The following PPP1R14A variants were observed in gnomAD, a reference collection of about 807,000 sequenced individuals.
PPP1R14A encodes protein phosphatase 1 regulatory inhibitor subunit 14A.
Under a neutral mutation model 14.1 loss-of-function variants are expected in PPP1R14A, and 9 were observed. The ratio of observed to expected loss-of-function variants is 0.64; its 90% CI spans 0.38 to 1.11. The LOEUF (loss-of-function observed/expected upper bound fraction) is 1.11. PPP1R14A is among the 50% of genes most tolerant of loss of function. The pLI is 0.01. For synonymous variants in PPP1R14A, 93 were observed against 88.7 expected (o/e 1.05, Z -0.27); for missense variants, 208 against 200.7 (o/e 1.04, Z -0.22).
At chr19:38,253,004 AT>A in intron 1 of PPP1R14A, 30 bp from the exon 2 acceptor site, 2 of 1,540,606 alleles carry the variant, frequency 1.3e-6, no homozygotes, top group East Asian at 2.3e-5. Flanking sequence ...GGTGCTTAGG[AT>A]CCCCTTCCCT....
At chr19:38,255,155 G>A (rs530053213) in intron 1 of PPP1R14A, among the ~76,000 whole-genome samples, 1 of 151,834 alleles carries the variant, frequency 6.6e-6, no homozygotes, top group East Asian at 1.9e-4. Context: ...ACACGGTCTC[G>A]CTCTGTTGCC....
rs1178842672 is a variant in PPP1R14A at position 38,252,124 on chromosome 19, G to C, written c.315+182C>G. 7 of 618,380 alleles carry C rather than the reference G, an allele frequency of 1.1e-5. No homozygotes were observed. Among genetic ancestry groups the C allele is most frequent in the Admixed American group, 8.4e-5 (3 of 35,842 alleles). The allele number at this position is 618,380 out of a possible 1,614,324, so 38.3% of individuals were successfully genotyped here. ...TCAGCAGATGGGGGAGAGAGGGAGA[G>C]AGACAAGTAGGAGGACAAAAGACAC... On this transcript the variant is annotated intron_variant, in intron 3 of 3. Coordinates refer to ENST00000301242, the MANE Select transcript of PPP1R14A (RefSeq NM_033256.3). The surrounding 1 kb of genome is among the most constrained non-coding windows in gnomAD (Gnocchi z 4.1).
At position 38,256,012 on chromosome 19, in the gene PPP1R14A, C is replaced by T. The variant is rs2146257297; in HGVS notation, c.201+127G>A. ...CCAATGAGTGCCCGGCCCTGGGGCG[C>T]TCGTCCTCTTGTGCAGACCAGGCTG... On this transcript the variant is annotated intron_variant, in intron 1 of 3. Transcript: ENST00000301242. This position sits in a 1 kb window ranked among gnomAD's most constrained non-coding sequence, Gnocchi z 5.7. 1 of 862,008 alleles carries T rather than the reference C, an allele frequency of 1.2e-6. No individual in the cohort carries two copies. Among genetic ancestry groups the T allele is most frequent in the African/African-American group, 1.7e-5 (1 of 57,688 alleles). 53.4% of individuals were successfully genotyped at this position (862,008 alleles called of 1,614,324 possible).
At chr19:38,255,944 G>T (rs557049484) in intron 1 of PPP1R14A, among the ~76,000 whole-genome samples, 195 bp downstream of exon 1, 1 of 151,984 alleles carries the variant, frequency 6.6e-6, no homozygotes, top group African/African-American at 2.4e-5. Flanking sequence ...TGTTGCTCTC[G>T]GTGTGTCCAC....
chr19:38,253,606 C>T (rs536230885), intron 1 of PPP1R14A, among the ~76,000 whole-genome samples: 81 of 152,178 alleles, frequency 5.3e-4, no homozygotes, highest in Non-Finnish European at 1.0e-3. Context: ...AGGCAGTGGC[C>T]CAAGCGCAGG....
intron 1 of PPP1R14A, among the ~76,000 whole-genome samples, chr19:38,253,625 G>GT (rs1399222932): frequency 1.3e-5 from 2 of 152,232 alleles, no homozygotes; most frequent in Admixed American, 6.5e-5. Flanking sequence ...GGCTGGCTCA[G>GT]TACCCCTGCT....
chr19:38,253,227 G>A (rs1223067318), intron 1 of PPP1R14A: 1 of 470,216 alleles, frequency 2.1e-6, no homozygotes, highest in Non-Finnish European at 3.8e-6. Flanking sequence ...GGAGCCTCGG[G>A]GCTGGCACGG....
At chr19:38,255,817 C>T (rs1968241310) in intron 1 of PPP1R14A, among the ~76,000 whole-genome samples, 1 of 152,116 alleles carries the variant, frequency 6.6e-6, no homozygotes, top group African/African-American at 2.4e-5. Flanking sequence ...CCCCCCTTCC[C>T]CCACTCTTTC....
intron 1 of PPP1R14A, among the ~76,000 whole-genome samples, chr19:38,255,621 G>A (rs1225513342): frequency 1.7e-5 from 2 of 119,182 alleles, no homozygotes; most frequent in African/African-American, 3.0e-5. Context: ...AACTGTAGGT[G>A]ACCCCCCCCC....
chr19:38,253,082 C>A (rs756176860), intron 1 of PPP1R14A, 108 bp from the exon 2 acceptor site: 17 of 835,386 alleles, frequency 2.0e-5, no homozygotes, highest in Non-Finnish European at 3.4e-5. Context: ...CTGGCGGGTT[C>A]TGGAGCATTA....
Position 38,252,837 on chromosome 19 carries a change from C to G in PPP1R14A, c.282+57G>C. On this transcript the variant is annotated intron_variant, in intron 2 of 3. Transcript: ENST00000301242. This position sits in a 1 kb window ranked among gnomAD's most constrained non-coding sequence, Gnocchi z 4.1. ...CACTCAGTAAACACGTGAACTATTG[C>G]TATTATTTTTAGGGAGGTGCAAAGT... 8.1e-7 allele frequency: 1 copy of G among 1,229,502 alleles called. No homozygotes were observed. Among genetic ancestry groups the G allele is most frequent in the Non-Finnish European group, 1.2e-6 (1 of 829,526 alleles). 76.2% of individuals were successfully genotyped at this position (1,229,502 alleles called of 1,614,324 possible). A position where few individuals can be genotyped will look rare whatever the true frequency, so the allele number is the denominator to read the frequency against.
rs1360948574 is a variant in PPP1R14A, at chr19:38,252,666, C to T, written c.282+228G>A. 6.6e-6 allele frequency among the ~76,000 whole-genome samples: 1 copy of T among 152,136 alleles called. No individual in the cohort carries two copies. The highest frequency in any genetic ancestry group is 1.5e-5 in the Non-Finnish European group (1 of 68,028). ...TCTGCTCCTTCTGAGCTGTGTGACA[C>T]TGGGCAAGGGATTCAACCTCTCTGG... On this transcript the variant is annotated intron_variant, in intron 2 of 3. Transcript: ENST00000301242. The surrounding 1 kb of genome is among the most constrained non-coding windows in gnomAD (Gnocchi z 4.1).
intron 3 of PPP1R14A, chr19:38,251,984 C>T (rs945735557): frequency 2.1e-5 from 9 of 432,842 alleles, no homozygotes; most frequent in South Asian, 1.2e-4. Flanking sequence ...CCCGGGGTGG[C>T]GGAGGCAGTG....
rs1277824177 is a variant in PPP1R14A at position 38,251,411 on chromosome 19, G to A, written c.351C>T (p.Gly117=). The change falls in exon 4 of 4, where the codon GGC becomes GGT. Residue 117 remains glycine, a synonymous_variant. Transcript: ENST00000301242. ...GGCGGAGGCCGGGCTGCCTGTGGAG[G>A]CCTTGAAGCTTTGCCAGCAGCTCCT... ...FIQELLAKLQ[G]LHRQPGLRQP... is the part of the protein sequence containing the mutation. 35 of 1,564,828 alleles carry A rather than the reference G, an allele frequency of 2.2e-5. No individual in the cohort carries two copies. Among genetic ancestry groups the A allele is most frequent in the Non-Finnish European group, 2.8e-5 (32 of 1,163,156 alleles).
chr19:38,255,210 G>C (rs1325587564), intron 1 of PPP1R14A, among the ~76,000 whole-genome samples: 1 of 152,154 alleles, frequency 6.6e-6, no homozygotes, highest in African/African-American at 2.4e-5. Flanking sequence ...TGTGACCTTG[G>C]CCTCTCAGGC....
chr19:38,251,384 C>G lies in PPP1R14A; in HGVS notation c.378G>C (p.Gln126His), dbSNP rs758222052. Residue 126 changes from glutamine (Q) to histidine (H), a missense_variant, in exon 4 of 4, where the codon CAG becomes CAC. Gln to His is a conservative substitution (Grantham distance 24). Transcript: ENST00000301242. ...QGLHRQPGLR[Q>H]PSPSHDGSLS... Reference sequence around the variant, plus strand: ...GGCTGCCGTCGTGGGAGGGGCTTGGCTGGCGGAGGCCGGGCTGCCTGTGGA... The same window carrying G: ...GGCTGCCGTCGTGGGAGGGGCTTGGGTGGCGGAGGCCGGGCTGCCTGTGGA... The G allele has an allele frequency of 1.9e-6, 3 of 1,560,058 alleles. No homozygotes were observed. The East Asian group carries it at 7.3e-5, about 38-fold the overall frequency.
Position 38,251,389 on chromosome 19 carries a change from G to A in PPP1R14A, c.373C>T (p.Arg125Cys), listed in dbSNP as rs199699200. 5.1e-6 allele frequency: 8 copies of A among 1,561,736 alleles called. No individual in the cohort carries two copies. Among genetic ancestry groups the A allele is most frequent in the East Asian group, 4.9e-5 (2 of 40,916 alleles). Residue 125 changes from arginine to cysteine, a missense_variant, in exon 4 of 4, where the codon CGC (arginine) becomes TGC (cysteine). By Grantham distance (180) the Arg-to-Cys change is radical. Transcript: ENST00000301242. ...LQGLHRQPGLRQPSPSHDGSL... is the reference protein window; with the variant it reads ...LQGLHRQPGLCQPSPSHDGSL... ...CCGTCGTGGGAGGGGCTTGGCTGGC[G>A]GAGGCCGGGCTGCCTGTGGAGGCCT...
At position 38,256,371 on chromosome 19, in the gene PPP1R14A, G is replaced by A. The variant is rs1358770567; in HGVS notation, c.-32C>T. On this transcript the variant is annotated 5_prime_UTR_variant, in exon 1 of 4. Transcript: ENST00000301242. This position sits in a 1 kb window ranked among gnomAD's most constrained non-coding sequence, Gnocchi z 5.7. The stretch of plus-strand genomic sequence containing the variant: ...GCTGGACCCAGCCTGGCCCCGCGCT[G>A]TGCGCCTTCGCCTCGCGCCCCGGGT... 2 of 1,388,044 alleles carry A rather than the reference G, an allele frequency of 1.4e-6. No individual in the cohort carries two copies. The highest frequency in any genetic ancestry group is 1.9e-6 in the Non-Finnish European group (2 of 1,078,316). The allele number at this position is 1,388,044 out of a possible 1,614,324, so 86.0% of individuals were successfully genotyped here.
chr19:38,253,075 G>C, intron 1 of PPP1R14A, 101 bp from the exon 2 acceptor site: 2 of 898,304 alleles, frequency 2.2e-6, no homozygotes, highest in Non-Finnish European at 3.6e-6. Flanking sequence ...GGCCCAGCTG[G>C]CGGGTTCTGG....
Sources: gnomAD v4.1 joint callset for allele counts (sites outside exome capture counted in the v4.1 genomes callset) on GRCh38, gnomAD v4.1.1 for gene constraint, Gnocchi (gnomAD v3.1) non-coding constraint, MANE v1.5 for transcripts, NCBI Gene and HGNC (gene_info 2026-07-23, HGNC 2026-07-21) for gene names.